TMPRSS2: variants seen among roughly 807,000 people sequenced by gnomAD.
TMPRSS2 encodes the protein transmembrane protease serine 2.
A neutral mutation model predicts 67.4 loss-of-function variants in TMPRSS2; 59 were observed. The observed-to-expected ratio is 0.88, with a 90% CI of 0.71 to 1.09. The LOEUF is 1.09. TMPRSS2 is among the 50% of genes least tolerant of loss of function. TMPRSS2 has a pLI of 0.00. For synonymous variants in TMPRSS2, 257 were observed against 257.0 expected (o/e 1.00, Z 0.00); for missense variants, 668 against 642.7 (o/e 1.04, Z -0.43).
rs545494331 is a variant in TMPRSS2 at position 41,501,801 on chromosome 21, T to C, written c.-56-3612A>G. ...GCATTTCCTCATTCACACAAGCTTG[T>C]ACATCGCATTAACTCATTTCTGAAA... is the stretch of plus-strand genomic sequence containing the variant. On this transcript the variant is annotated intron_variant, in intron 1 of 13. Coordinates refer to ENST00000332149, the MANE Select transcript of TMPRSS2 (RefSeq NM_005656.4). Among the ~76,000 whole-genome samples the C allele has an allele frequency of 7.2e-5, 11 of 152,272 alleles. No individual in the cohort carries two copies. The East Asian group carries it at 2.1e-3, about 29-fold the overall frequency.
At chr21:41,467,569 G>T (rs552303675) in intron 13 of TMPRSS2, among the ~76,000 whole-genome samples, 165 bp downstream of exon 13, 11 of 152,278 alleles carry the variant, frequency 7.2e-5, no homozygotes, top group South Asian at 2.1e-4. Flanking sequence ...AATGGGCAAT[G>T]GGTGGACACT....
rs1424177030 is a variant in TMPRSS2, at chr21:41,471,787, AAGCCTG to A, written c.1075+13_1075+18del. On this transcript the variant is annotated intron_variant, in intron 10 of 13. Coordinates refer to ENST00000332149, the MANE Select transcript of TMPRSS2 (RefSeq NM_005656.4). ...TTAAGATTCTGCCAACCTGCTTGCCAAGCCTGAGCCACACGTACCGTTGAAAGTCAG... is the reference window on the plus strand; with the variant it reads ...TTAAGATTCTGCCAACCTGCTTGCCAAGCCACACGTACCGTTGAAAGTCAG... 2 of 1,572,806 alleles carry A rather than the reference AAGCCTG, an allele frequency of 1.3e-6. No individual in the cohort carries two copies. Among genetic ancestry groups the A allele is most frequent in the Non-Finnish European group, 1.7e-6 (2 of 1,155,350 alleles).
Position 41,473,457 on chromosome 21 carries a change from A to G in TMPRSS2, c.767T>C (p.Ile256Thr), listed in dbSNP as rs1221579639. 6 of 1,609,852 alleles carry G rather than the reference A, an allele frequency of 3.7e-6. No individual in the cohort carries two copies. The East Asian group carries it at 6.7e-5, about 18-fold the overall frequency. The part of the protein sequence containing the change: ...VNLNSSRQSR[I>T]VGGESALPGA... ...CGGGAGCGCGCTCTCGCCGCCCACA[A>G]TCCTGCTCTGGCGGCTTGAGTTCAA... Residue 256 changes from isoleucine (I) to threonine (T), a missense_variant, in exon 9 of 14, where the codon ATT (isoleucine) becomes ACT (threonine). Ile to Thr is a moderately conservative substitution (Grantham distance 89). Transcript: ENST00000332149.
chr21:41,484,233 T>C (rs2091279526), intron 5 of TMPRSS2, among the ~76,000 whole-genome samples: 1 of 152,230 alleles, frequency 6.6e-6, no homozygotes, highest in African/African-American at 2.4e-5. Context: ...ATAATTACCA[T>C]TTTCTTTTCT....
At chr21:41,490,442 T>G (rs2091327406) in intron 3 of TMPRSS2, among the ~76,000 whole-genome samples, 1 of 152,228 alleles carries the variant, frequency 6.6e-6, no homozygotes, top group Non-Finnish European at 1.5e-5. Context: ...TAAATTCAAG[T>G]GCTCAGTCAT....
At chr21:41,493,366 G>T (rs1265752397) in intron 3 of TMPRSS2, among the ~76,000 whole-genome samples, 4 of 152,152 alleles carry the variant, frequency 2.6e-5, no homozygotes. Context: ...AAGGGTGAGG[G>T]GGTGAGAGGA....
chr21:41,496,221 A>G (rs1224778186), intron 2 of TMPRSS2, among the ~76,000 whole-genome samples: 2 of 152,246 alleles, frequency 1.3e-5, no homozygotes, highest in Non-Finnish European at 2.9e-5. Context: ...GAATTAATAC[A>G]AACATTTTGC....
rs1466611687 is a variant in TMPRSS2 at position 41,483,615 on chromosome 21, TA to T, written c.446-3014del. 3.9e-5 allele frequency among the ~76,000 whole-genome samples: 6 copies of T among 152,050 alleles called. No homozygotes were observed. In the East Asian group the frequency reaches 1.2e-3, roughly 29 times the overall value. Reference sequence around the variant, plus strand: ...CCGGCTCAAAATACACTTCTATGATTAAAAACAAAACTGCCACTGTGGCTCA... The same window carrying T: ...CCGGCTCAAAATACACTTCTATGATTAAAACAAAACTGCCACTGTGGCTCA... On this transcript the variant is annotated intron_variant, in intron 5 of 13. Transcript: ENST00000332149.
chr21:41,494,223 G>C, intron 3 of TMPRSS2, 133 bp downstream of exon 3: 1 of 953,960 alleles, frequency 1.0e-6, no homozygotes, highest in South Asian at 1.5e-5. Context: ...AGACAGGCTG[G>C]CTCCGGAAGA....
At chr21:41,505,532 T>C (rs1190782408) in intron 1 of TMPRSS2, among the ~76,000 whole-genome samples, 2 of 152,210 alleles carry the variant, frequency 1.3e-5, no homozygotes, top group Non-Finnish European at 2.9e-5. Context: ...AATGCCCCCA[T>C]GGCCTAGGAG....
chr21:41,485,376 G>A (rs1047136781), intron 5 of TMPRSS2, among the ~76,000 whole-genome samples: 4 of 152,028 alleles, frequency 2.6e-5, no homozygotes, highest in Admixed American at 6.6e-5. Context: ...GGCCAGGCGT[G>A]GTAGTTCACG....
At chr21:41,493,067 C>G (rs989849158) in intron 3 of TMPRSS2, among the ~76,000 whole-genome samples, 3 of 152,148 alleles carry the variant, frequency 2.0e-5, no homozygotes, top group Admixed American at 1.3e-4. Context: ...CGGTGCCTAC[C>G]TAGGAGCAGC....
At chr21:41,479,146 T>A (rs1331501312) in intron 7 of TMPRSS2, 26 bp downstream of exon 7, 4 of 1,583,910 alleles carry the variant, frequency 2.5e-6, no homozygotes, top group Non-Finnish European at 3.5e-6. Context: ...CATTCCAAAA[T>A]TTTTCAAGAA....
In TMPRSS2 at chr21:41,485,652, GAA is replaced by G. The variant is rs35871560; in HGVS notation, c.445+2740_445+2741del. 3.3e-3 allele frequency among the ~76,000 whole-genome samples: 428 copies of G among 131,090 alleles called. 3 individuals carry two copies. Among genetic ancestry groups the G allele is most frequent in the South Asian group, 0.031 (128 of 4,112 alleles). 86.0% of individuals were successfully genotyped at this position (131,090 alleles called of 152,430 possible). ...CAACAGAGTGAAACCCTGTCTCCAG[GAA>G]AAAAAAAAAAAAAATAGAAAGAAAA... On this transcript the variant is annotated intron_variant, in intron 5 of 13. Coordinates refer to ENST00000332149, the MANE Select transcript of TMPRSS2 (RefSeq NM_005656.4).
chr21:41,473,608 C>T, intron 8 of TMPRSS2, 112 bp from the exon 9 acceptor site: 2 of 1,233,784 alleles, frequency 1.6e-6, no homozygotes, highest in South Asian at 1.5e-5. Context: ...GGCAGGGGCA[C>T]CACTGCTGGG....
In TMPRSS2 at chr21:41,480,557, T is replaced by C. The variant is rs751428160; in HGVS notation, c.491A>G (p.Gln164Arg). The change falls in exon 6 of 14, where the codon CAG becomes CGG. Residue 164 changes from glutamine to arginine, a missense_variant. Coordinates refer to ENST00000332149, the MANE Select transcript of TMPRSS2 (RefSeq NM_005656.4). Reference protein sequence around the residue: ...PNFILQVYSSQRKSWHPVCQD... With the variant: ...PNFILQVYSSRRKSWHPVCQD... Reference sequence around the variant, plus strand: ...GCACACAGGGTGCCAGGACTTCCTCTGAGATGAGTACACCTGAAGGATGAA... The same window carrying C: ...GCACACAGGGTGCCAGGACTTCCTCCGAGATGAGTACACCTGAAGGATGAA... 6.2e-7 allele frequency: 1 copy of C among 1,613,892 alleles called. No individual in the cohort carries two copies. The highest frequency in any genetic ancestry group is 1.1e-5 in the South Asian group (1 of 91,088).
At chr21:41,477,352 G>A (rs1210135482) in intron 7 of TMPRSS2, among the ~76,000 whole-genome samples, 1 of 152,188 alleles carries the variant, frequency 6.6e-6, no homozygotes, top group Non-Finnish European at 1.5e-5. Context: ...GGAACCTTGT[G>A]CTCACAACCA....
chr21:41,499,256 G>C (rs557775656), intron 1 of TMPRSS2, among the ~76,000 whole-genome samples: 1 of 152,274 alleles, frequency 6.6e-6, no homozygotes, highest in South Asian at 2.1e-4. Flanking sequence ...TGTCCTTTGT[G>C]AACAGTTAAC....
chr21:41,475,015 G>GGTGA (rs530918384), intron 8 of TMPRSS2, among the ~76,000 whole-genome samples: 1 of 368 alleles, frequency 2.7e-3, no homozygotes, highest in Non-Finnish European at 0.013. Context: ...GGGGGTGAGG[G>GGTGA]GTAAGGAGGT....
Sources: gnomAD v4.1 joint callset for allele counts (sites outside exome capture counted in the v4.1 genomes callset) on GRCh38, gnomAD v4.1.1 for gene constraint, MANE v1.5 for transcripts, NCBI Gene and HGNC (gene_info 2026-07-23, HGNC 2026-07-21) for gene names.